Variants in NUP210L observed in about 807,000 individuals in gnomAD.
NUP210L encodes nucleoporin 210 like.
NUP210L carries 74 observed loss-of-function variants against 208.5 expected under a neutral mutation model. The observed-to-expected ratio is 0.35, with a 90% confidence interval of 0.29 to 0.43. The LOEUF is 0.43. Among genes scored for constraint, NUP210L ranks in the 20% least tolerant of loss-of-function variants. NUP210L has a pLI of 1.00. For synonymous variants in NUP210L, 780 were observed against 816.9 expected (o/e 0.95, Z 0.77); for missense variants, 1,843 against 2,289.4 (o/e 0.81, Z 3.98).
At chr1:154,149,376 G>A (rs931640172) in intron 2 of NUP210L, among the ~76,000 whole-genome samples, 1 of 152,114 alleles carries the variant, frequency 6.6e-6, no homozygotes, top group South Asian at 2.1e-4. Context: ...GTGAGCCACC[G>A]TGCCCAGCCT....
chr1:154,013,285 C>A (rs951282711), intron 33 of NUP210L, among the ~76,000 whole-genome samples: 8 of 152,000 alleles, frequency 5.3e-5, no homozygotes, highest in Middle Eastern at 3.4e-3. Flanking sequence ...TATTAAAATG[C>A]CTTTGAGGCC....
intron 12 of NUP210L, chr1:154,104,541 G>A (rs1451391909): frequency 1.3e-5 from 3 of 231,394 alleles, no homozygotes; most frequent in Non-Finnish European, 2.5e-5. Context: ...GGGGAGTACA[G>A]TGATTGTGGG....
At chr1:153,992,927 TAAA>T (rs755442033) in exon 40 of NUP210L, 1 of 1,610,674 alleles carries the variant, frequency 6.2e-7, no homozygotes, top group Non-Finnish European at 8.5e-7. Flanking sequence ...CTTGTGGAGT[TAAA>T]AAAACCTAGA....
At chr1:154,115,179 G>T (rs747638011) in intron 12 of NUP210L, among the ~76,000 whole-genome samples, 1 of 152,104 alleles carries the variant, frequency 6.6e-6, no homozygotes, top group Non-Finnish European at 1.5e-5. Context: ...GTTATTGTCT[G>T]ATTATAAAAA....
At chr1:154,045,274 G>T (rs779190114) in intron 27 of NUP210L, among the ~76,000 whole-genome samples, 2 of 152,082 alleles carry the variant, frequency 1.3e-5, no homozygotes, top group African/African-American at 2.4e-5. Flanking sequence ...GCCACCTACA[G>T]CCCTCTATAT....
intron 35 of NUP210L, 37 bp downstream of exon 35, chr1:154,009,935 C>T (rs1557911146): frequency 1.3e-6 from 2 of 1,540,694 alleles, no homozygotes; most frequent in Middle Eastern, 3.4e-4. Flanking sequence ...AATAGATAAA[C>T]AGAATGGGGA....
At chr1:153,993,302 CACGCCTGTA>C (rs1649589656) in intron 38 of NUP210L, among the ~76,000 whole-genome samples, 1 of 152,150 alleles carries the variant, frequency 6.6e-6, no homozygotes, top group Non-Finnish European at 1.5e-5. Flanking sequence ...CACGGTGGCT[CACGCCTGTA>C]ATCGCAGCAT....
intron 37 of NUP210L, chr1:153,995,715 T>C (rs1352279287): frequency 3.3e-6 from 3 of 921,384 alleles, no homozygotes; most frequent in Non-Finnish European, 5.3e-6. Context: ...CCCTTGGTAA[T>C]AGAATTGTTT....
At chr1:154,128,790 T>G (rs1291109668) in intron 8 of NUP210L, among the ~76,000 whole-genome samples, 2 of 150,784 alleles carry the variant, frequency 1.3e-5, no homozygotes, top group Admixed American at 1.3e-4. Context: ...GAGGTTGCAG[T>G]CAGCCAAGAT....
chr1:154,043,697 G>C (rs1159893068), intron 27 of NUP210L, among the ~76,000 whole-genome samples: 1 of 147,124 alleles, frequency 6.8e-6, no homozygotes, highest in Non-Finnish European at 1.5e-5. Context: ...CGTGATCTCT[G>C]CTCACTGCAA....
chr1:154,111,859 C>T (rs556264532), intron 12 of NUP210L, among the ~76,000 whole-genome samples: 1 of 151,796 alleles, frequency 6.6e-6, no homozygotes, highest in East Asian at 1.9e-4. Context: ...AGGCCAATAT[C>T]CCTGATGAAC....
intron 27 of NUP210L, among the ~76,000 whole-genome samples, chr1:154,043,209 G>T (rs1477439882): frequency 6.6e-6 from 1 of 151,136 alleles, no homozygotes; most frequent in African/African-American, 2.4e-5. Flanking sequence ...TGGTAGAGAC[G>T]GGGTTTTGCC....
intron 27 of NUP210L, among the ~76,000 whole-genome samples, chr1:154,043,396 C>T (rs911627746): frequency 4.6e-5 from 7 of 151,590 alleles, no homozygotes; most frequent in African/African-American, 1.7e-4. Context: ...TTCACCACAA[C>T]CTCCACCTCC....
At chr1:154,039,501 G>T (rs1652745875) in intron 27 of NUP210L, among the ~76,000 whole-genome samples, 1 of 152,104 alleles carries the variant, frequency 6.6e-6, no homozygotes, top group South Asian at 2.1e-4. Flanking sequence ...CTCCCAAAGT[G>T]CTGGGATTAC....
chr1:154,046,497 C>A, intron 25 of NUP210L, 128 bp from the exon 26 acceptor site: 1 of 737,892 alleles, frequency 1.4e-6, no homozygotes. Context: ...ATGCTTATTG[C>A]AGCACTATTC....
In NUP210L at chr1:153,996,020, T is replaced by A. The variant is rs532360595; in HGVS notation, c.5387-840A>T. ...CTTAAAAAAAAAATGCGGCCTGGCG[T>A]GGTGGCTCACACCTGTAATCCCAGC... On this transcript the variant is annotated intron_variant, in intron 37 of 39. Coordinates refer to ENST00000368559, the Ensembl canonical transcript of NUP210L. 2.7e-5 allele frequency: 10 copies of A among 373,208 alleles called. No individual in the cohort carries two copies. In the Admixed American group the frequency reaches 2.8e-4, roughly 10 times the overall value. The allele number at this position is 373,208 out of a possible 1,614,324, so 23.1% of individuals were successfully genotyped here.
intron 16 of NUP210L, among the ~76,000 whole-genome samples, chr1:154,071,142 G>A (rs1208183304): frequency 1.3e-5 from 2 of 150,944 alleles, no homozygotes; most frequent in South Asian, 2.1e-4. Flanking sequence ...AGTTGCATGG[G>A]CTGGAGTATA....
rs182601743 is a variant in NUP210L at position 154,119,654 on chromosome 1, T to C, written c.1327-846A>G. Among the ~76,000 whole-genome samples, 44 of 152,220 alleles carry C rather than the reference T, an allele frequency of 2.9e-4. No homozygotes were observed. In the East Asian group the frequency reaches 7.9e-3, roughly 27 times the overall value. ...AATAATAAGGTTCTACAGGGCTGAA[T>C]GTAGGACTTGAGTATGCGTGGATTT... On this transcript the variant is annotated intron_variant, in intron 10 of 39. Coordinates refer to ENST00000368559, the Ensembl canonical transcript of NUP210L.
chr1:154,018,573 T>A (rs1557917465), intron 33 of NUP210L, among the ~76,000 whole-genome samples: 2 of 152,134 alleles, frequency 1.3e-5, no homozygotes, highest in South Asian at 2.1e-4. Context: ...GCTCTACCTA[T>A]AAAATATACC....
Sources: allele counts gnomAD v4.1 joint callset (sites outside exome capture counted in the v4.1 genomes callset), GRCh38; gene constraint gnomAD v4.1.1; transcripts MANE v1.5; gene names NCBI Gene and HGNC (gene_info 2026-07-23, HGNC 2026-07-21).